DNMBP: variants seen among roughly 807,000 people sequenced by gnomAD.
The protein encoded by DNMBP is dynamin-binding protein.
In DNMBP, 87 loss-of-function variants were observed where a neutral mutation model predicts 150.0. The ratio of observed to expected loss-of-function variants is 0.58; its 90% confidence interval spans 0.49 to 0.69. The LOEUF (loss-of-function observed/expected upper bound fraction) is 0.69. Among genes scored for constraint, DNMBP ranks in the 30% least tolerant of loss-of-function variants. The pLI, the probability that DNMBP is intolerant of heterozygous loss-of-function variation, is 0.00. For synonymous variants in DNMBP, 711 were observed against 750.4 expected, an observed-to-expected ratio of 0.95 and a Z score of 0.86; for missense variants, 1,774 against 1,949.0, an observed-to-expected ratio of 0.91 and a Z score of 1.69.
chr10:99,900,297 T>C (rs2039720030), intron 6 of DNMBP, among the ~76,000 whole-genome samples: 1 of 152,214 alleles, frequency 6.6e-6, no homozygotes, highest in Admixed American at 6.5e-5. Context: ...TATTCATTTT[T>C]TTTTGAGACA....
chr10:99,986,285 G>C (rs974983796), intron 1 of DNMBP, among the ~76,000 whole-genome samples: 2 of 152,000 alleles, frequency 1.3e-5, no homozygotes, highest in African/African-American at 4.8e-5. Flanking sequence ...CAAGGTGGGA[G>C]GGTTGCTTGA....
At position 99,955,431 on chromosome 10, in the gene DNMBP, C is replaced by T. The variant is rs1453100139; in HGVS notation, c.2043G>A (p.Met681Ile). The T allele has an allele frequency of 6.2e-7, 1 of 1,613,558 alleles. No homozygotes were observed. Among genetic ancestry groups the T allele is most frequent in the Non-Finnish European group, 8.5e-7 (1 of 1,179,678 alleles). ...ETLEKEGPGH[M>I]GRSLDQTSPC... is the part of the protein sequence containing the mutation. Reference sequence around the variant, plus strand: ...GGGAGGTCTGGTCCAGACTCCTTCCCATATGACCAGGGCCCTCCTTTTCTA... The same window carrying T: ...GGGAGGTCTGGTCCAGACTCCTTCCTATATGACCAGGGCCCTCCTTTTCTA... The change falls in exon 4 of 17, where the codon ATG (methionine) becomes ATA (isoleucine). Residue 681 changes from methionine (M) to isoleucine (I), a missense_variant. By Grantham distance (10) the Met-to-Ile change is conservative (BLOSUM62 1). This residue lies in a region of DNMBP where 1,430 missense variants were observed against 1,492.5 expected (regional missense o/e 0.96). Coordinates refer to ENST00000324109, the MANE Select transcript of DNMBP (RefSeq NM_015221.4).
chr10:99,904,935 C>T lies in DNMBP; in HGVS notation c.2554+3060G>A, dbSNP rs1486682744. 2.0e-5 allele frequency among the ~76,000 whole-genome samples: 3 copies of T among 152,216 alleles called. No individual in the cohort carries two copies. The East Asian group carries it at 5.8e-4, about 29-fold the overall frequency. Reference sequence around the variant, plus strand: ...AATCAGACCTAAGGGGAGAAGGCGCCTTGCAGAAGCTGGTTAACTCCAACC... The same window carrying T: ...AATCAGACCTAAGGGGAGAAGGCGCTTTGCAGAAGCTGGTTAACTCCAACC... On this transcript the variant is annotated intron_variant, in intron 6 of 16. Transcript: ENST00000324109.
chr10:100,008,652 T>C (rs7077928), intron 1 of DNMBP, among the ~76,000 whole-genome samples: 17,145 of 152,242 alleles, frequency 0.11, 1,328 homozygotes, highest in African/African-American at 0.21. Flanking sequence ...GAGTGACGTG[T>C]TTCAAGTTAA....
chr10:99,973,326 C>T (rs777432444), intron 1 of DNMBP, among the ~76,000 whole-genome samples: 2 of 152,254 alleles, frequency 1.3e-5, no homozygotes, highest in Non-Finnish European at 2.9e-5. Context: ...AACCCTAGAC[C>T]TCTCAGTGAT....
chr10:99,895,846 T>A (rs1029004934), intron 10 of DNMBP, among the ~76,000 whole-genome samples: 6 of 152,234 alleles, frequency 3.9e-5, no homozygotes, highest in Non-Finnish European at 8.8e-5. Flanking sequence ...TTAATATATA[T>A]AGTATAGCAG....
chr10:99,902,587 G>A (rs1396942246), intron 6 of DNMBP, among the ~76,000 whole-genome samples: 5 of 147,434 alleles, frequency 3.4e-5, no homozygotes, highest in Admixed American at 6.8e-5. Context: ...TGGGATTACC[G>A]GTGTGAAACA....
intron 3 of DNMBP, among the ~76,000 whole-genome samples, chr10:99,958,771 C>A (rs776995443): frequency 6.6e-6 from 1 of 152,164 alleles, no homozygotes; most frequent in Non-Finnish European, 1.5e-5. Context: ...ATGACAAATG[C>A]ATGCTGGTAT....
intron 1 of DNMBP, among the ~76,000 whole-genome samples, chr10:100,009,203 C>A (rs1283494770): frequency 6.6e-6 from 1 of 152,206 alleles, no homozygotes; most frequent in Non-Finnish European, 1.5e-5. Context: ...CAGGCCCCGG[C>A]CTGTTTGGTA....
chr10:100,003,431 G>A (rs536335353), intron 1 of DNMBP, among the ~76,000 whole-genome samples: 2 of 152,226 alleles, frequency 1.3e-5, no homozygotes, highest in South Asian at 2.1e-4. Flanking sequence ...CAATTAAAGG[G>A]GTCAGGGGAA....
rs975789475 is a variant in DNMBP at position 99,882,915 on chromosome 10, CAGTT to C, written c.3997+1092_3997+1095del. On this transcript the variant is annotated intron_variant, in intron 15 of 16. Coordinates refer to ENST00000324109, the MANE Select transcript of DNMBP (RefSeq NM_015221.4). Reference sequence around the variant, plus strand: ...ACCCCGTCTCTACAAAAAATACAAACAGTTAGCCAGGTGTGGTGGTGCGTGCTAC... The same window carrying C: ...ACCCCGTCTCTACAAAAAATACAAACAGCCAGGTGTGGTGGTGCGTGCTAC... 3.9e-5 allele frequency among the ~76,000 whole-genome samples: 6 copies of C among 151,962 alleles called. No homozygotes were observed. In the East Asian group the frequency reaches 7.8e-4, roughly 20 times the overall value.
chr10:99,885,258 C>A (rs2039438702), intron 14 of DNMBP, among the ~76,000 whole-genome samples: 1 of 152,208 alleles, frequency 6.6e-6, no homozygotes, highest in South Asian at 2.1e-4. Flanking sequence ...TGCCTGTAAT[C>A]CCAGCACTTT....
chr10:99,935,333 G>A (rs2040216843), intron 4 of DNMBP, among the ~76,000 whole-genome samples: 2 of 152,088 alleles, frequency 1.3e-5, no homozygotes, highest in East Asian at 3.9e-4. Context: ...TACCATTAAG[G>A]AACTGTAACC....
intron 4 of DNMBP, among the ~76,000 whole-genome samples, chr10:99,920,241 A>G (rs1244827966): frequency 6.6e-6 from 1 of 151,890 alleles, no homozygotes. Flanking sequence ...ACGCCTGGCT[A>G]ATTTTGTATT....
Position 99,956,633 on chromosome 10 carries a change from G to A in DNMBP, c.841C>T (p.Leu281=). The change falls in exon 4 of 17, where the codon CTG becomes TTG. Residue 281 remains leucine (L), a synonymous_variant. Transcript: ENST00000324109. ...GTCCTGCCCTTCAGGGATCCTTCCA[G>A]CCAGCCATCTTCCAAGGTCGCCAGA... The part of the protein sequence containing the change: ...RILATLEDGW[L]EGSLKGRTGI... The A allele has an allele frequency of 6.2e-7, 1 of 1,614,018 alleles. No individual in the cohort carries two copies. Among genetic ancestry groups the A allele is most frequent in the East Asian group, 2.2e-5 (1 of 44,872 alleles).
In DNMBP at chr10:99,956,730, C is replaced by T. The variant is rs764918403; in HGVS notation, c.744G>A (p.Gly248=). The part of the protein sequence containing the change: ...DEDEEEPGTY[G]VALYRFQALE... ...GGGCTTGGAATCTGTACAGGGCGAC[C>T]CCATAGGTCCCTGGCTCCTCCTCAT... is the stretch of plus-strand genomic sequence containing the variant. The change falls in exon 4 of 17, where the codon GGG becomes GGA. Residue 248 remains glycine, a synonymous_variant. Transcript: ENST00000324109. The T allele has an allele frequency of 4.3e-6, 7 of 1,614,084 alleles. No individual in the cohort carries two copies. The South Asian group carries it at 4.4e-5, about 10-fold the overall frequency.
intron 4 of DNMBP, among the ~76,000 whole-genome samples, chr10:99,953,175 T>C (rs1411634527): frequency 1.3e-5 from 2 of 152,232 alleles, no homozygotes; most frequent in South Asian, 2.1e-4. Context: ...TGTGCCAGTA[T>C]AGGAAGCGGT....
At chr10:99,894,807 T>C in intron 11 of DNMBP, 139 bp downstream of exon 11, 1 of 625,704 alleles carries the variant, frequency 1.6e-6, no homozygotes, top group African/African-American at 1.8e-5. Flanking sequence ...TACTGGCATC[T>C]CAACAAAAAG....
At chr10:99,890,366 C>A (rs572540692) in intron 11 of DNMBP, among the ~76,000 whole-genome samples, 3 of 152,258 alleles carry the variant, frequency 2.0e-5, no homozygotes, top group African/African-American at 7.2e-5. Flanking sequence ...TGTGGCATGA[C>A]AAAACTATTC....
Sources: gnomAD v4.1 joint callset for allele counts (sites outside exome capture counted in the v4.1 genomes callset) on GRCh38, gnomAD v4.1.1 for gene constraint, gnomAD v4.1.1 regional missense constraint, MANE v1.5 for transcripts, NCBI Gene and HGNC (gene_info 2026-07-23, HGNC 2026-07-21) for gene names.